LMO7: variants seen among roughly 807,000 people sequenced by gnomAD.
LMO7 encodes LIM domain only protein 7.
Under a neutral mutation model 206.5 loss-of-function variants are expected in LMO7, and 120 were observed. The ratio of observed to expected loss-of-function variants is 0.58; its 90% confidence interval spans 0.50 to 0.68. The LOEUF (loss-of-function observed/expected upper bound fraction) is 0.68, where lower values mean the gene tolerates loss of function less well. Ranked by LOEUF, LMO7 falls within the 30% of genes least tolerant of loss-of-function variation. The probability of loss-of-function intolerance (pLI) is 0.00; values close to 1 mark genes in which losing one functional copy is unlikely to be tolerated. For synonymous variants in LMO7, 706 were observed against 681.5 expected (o/e 1.04, Z -0.56); for missense variants, 1,959 against 1,957.9 (o/e 1.00, Z -0.01).
intron 1 of LMO7, among the ~76,000 whole-genome samples, chr13:75,692,594 C>G (rs189453863): frequency 6.6e-6 from 1 of 151,994 alleles, no homozygotes; most frequent in Non-Finnish European, 1.5e-5. Context: ...CTGTGTTGCC[C>G]AGCCTGGACT....
chr13:75,839,844 TA>T (rs2059431623), intron 20 of LMO7: 1 of 433,820 alleles, frequency 2.3e-6, no homozygotes, highest in Admixed American at 3.6e-5. Context: ...TACCTAGAGC[TA>T]GGGTTTATTT....
chr13:75,831,848 A>G (rs971101030), intron 15 of LMO7, among the ~76,000 whole-genome samples: 2 of 152,146 alleles, frequency 1.3e-5, no homozygotes, highest in Non-Finnish European at 2.9e-5. Context: ...AAATTTTAAC[A>G]TGAGTTTTGG....
intron 7 of LMO7, among the ~76,000 whole-genome samples, chr13:75,802,788 G>A (rs2054931521): frequency 6.6e-6 from 1 of 152,140 alleles, no homozygotes; most frequent in Admixed American, 6.5e-5. Flanking sequence ...TGTGATCAGT[G>A]TGTTAAAATT....
intron 3 of LMO7, among the ~76,000 whole-genome samples, chr13:75,759,954 A>G (rs2139661944): frequency 6.6e-6 from 1 of 152,288 alleles, no homozygotes; most frequent in East Asian, 1.9e-4. Context: ...GTGTGTTGGC[A>G]TGCTGGGAGG....
chr13:75,742,519 A>G (rs933254608), intron 3 of LMO7, among the ~76,000 whole-genome samples: 3 of 152,224 alleles, frequency 2.0e-5, no homozygotes, highest in African/African-American at 4.8e-5. Flanking sequence ...TGGTACAAAA[A>G]CAGACACATA....
intron 11 of LMO7, among the ~76,000 whole-genome samples, chr13:75,811,435 T>A (rs1406818155): frequency 6.6e-6 from 1 of 152,238 alleles, no homozygotes; most frequent in Non-Finnish European, 1.5e-5. Flanking sequence ...CTAGAACTTG[T>A]TTCATATTTA....
intron 2 of LMO7, among the ~76,000 whole-genome samples, chr13:75,713,532 G>A (rs2043290040): frequency 1.3e-5 from 2 of 152,148 alleles, no homozygotes; most frequent in South Asian, 4.1e-4. Context: ...TGGGGGGTGG[G>A]TGATTGAGAA....
intron 2 of LMO7, among the ~76,000 whole-genome samples, chr13:75,624,236 A>G (rs2033730098): frequency 1.3e-5 from 2 of 152,244 alleles, no homozygotes; most frequent in African/African-American, 4.8e-5. Flanking sequence ...TCCACACTTC[A>G]GGAGAAAATT....
intron 3 of LMO7, among the ~76,000 whole-genome samples, chr13:75,739,875 G>A (rs1594670367): frequency 6.6e-6 from 1 of 152,148 alleles, no homozygotes; most frequent in Non-Finnish European, 1.5e-5. Flanking sequence ...GGAGAGGGGA[G>A]GTTTGTGGGA....
intron 12 of LMO7, among the ~76,000 whole-genome samples, chr13:75,818,609 C>A (rs750352041): frequency 1.3e-5 from 2 of 152,168 alleles, no homozygotes; most frequent in Non-Finnish European, 2.9e-5. Context: ...TTAGGCTTAA[C>A]GTTCCTGGGG....
chr13:75,712,449 T>C (rs1383238039), intron 1 of LMO7, among the ~76,000 whole-genome samples: 1 of 152,178 alleles, frequency 6.6e-6, no homozygotes, highest in Non-Finnish European at 1.5e-5. Flanking sequence ...TCCCCTTTTC[T>C]ATCCCAGCCA....
At chr13:75,704,085 C>T (rs961723696) in intron 1 of LMO7, among the ~76,000 whole-genome samples, 5 of 152,008 alleles carry the variant, frequency 3.3e-5, no homozygotes, top group South Asian at 2.1e-4. Context: ...GTTTAATGAA[C>T]GGAGTAAAGA....
chr13:75,809,979 A>G (rs545721898), intron 11 of LMO7, among the ~76,000 whole-genome samples: 37 of 152,114 alleles, frequency 2.4e-4, no homozygotes, highest in South Asian at 2.1e-4. Flanking sequence ...CTACAGTTGC[A>G]TGCCACCACA....
upstream of LMO7, among the ~76,000 whole-genome samples, chr13:75,634,754 A>AAACG (rs941562386): frequency 1.2e-4 from 19 of 152,040 alleles, no homozygotes; most frequent in African/African-American, 4.3e-4. Flanking sequence ...ACAAACAAAC[A>AAACG]AACAAGAACT....
At chr13:75,652,478 A>G (rs760193156) in intron 1 of LMO7, among the ~76,000 whole-genome samples, 5 of 152,054 alleles carry the variant, frequency 3.3e-5, no homozygotes, top group Non-Finnish European at 7.4e-5. Flanking sequence ...AAGTTTGTGC[A>G]ATGTTTTCTT....
At chr13:75,804,686 T>G (rs2141004118) in intron 8 of LMO7, 145 bp downstream of exon 8, 1 of 1,157,310 alleles carries the variant, frequency 8.6e-7, no homozygotes, top group East Asian at 2.5e-5. Flanking sequence ...ATCCCTCTAT[T>G]TTTAGTTATA....
intron 4 of LMO7, among the ~76,000 whole-genome samples, chr13:75,794,341 A>G (rs2053688361): frequency 6.6e-6 from 1 of 152,138 alleles, no homozygotes; most frequent in Non-Finnish European, 1.5e-5. Flanking sequence ...TAAGAGGTGC[A>G]TGCTCTTCTT....
chr13:75,855,445 G>A lies in LMO7; in HGVS notation c.4770+77G>A, dbSNP rs969351774. 10 of 821,544 alleles carry A rather than the reference G, an allele frequency of 1.2e-5. No homozygotes were observed. The Admixed American group carries it at 2.0e-4, about 16-fold the overall frequency. 50.9% of individuals were successfully genotyped at this position (821,544 alleles called of 1,614,324 possible). On this transcript the variant is annotated intron_variant, in intron 29 of 30. Coordinates refer to ENST00000377534, the MANE Select transcript of LMO7 (RefSeq NM_001306080.2). ...GCATGGCTGCTTTGAGCCGCTGGGT[G>A]TAGATGTGCCACTAACAAGCTAGGT...
intron 2 of LMO7, among the ~76,000 whole-genome samples, chr13:75,726,634 A>C (rs531804083): frequency 1.3e-5 from 2 of 152,260 alleles, no homozygotes; most frequent in East Asian, 3.9e-4. Flanking sequence ...GTTTGAGAAA[A>C]ACAATCAATG....
Sources: gnomAD v4.1 joint callset for allele counts (sites outside exome capture counted in the v4.1 genomes callset) on GRCh38, gnomAD v4.1.1 for gene constraint, MANE v1.5 for transcripts, NCBI Gene and HGNC (gene_info 2026-07-23, HGNC 2026-07-21) for gene names.